The following STX18 variants were observed in gnomAD, a reference collection of about 807,000 sequenced individuals.
STX18 encodes the protein syntaxin-18.
In STX18, 40 loss-of-function variants were observed where a neutral mutation model predicts 50.1. The ratio of observed to expected loss-of-function variants is 0.80; its 90% CI spans 0.62 to 1.04. The LOEUF is 1.04. Among genes scored for constraint, STX18 ranks in the 50% least tolerant of loss-of-function variants. The pLI is 0.00. For missense variants in STX18, 410 were observed against 415.8 expected, an observed-to-expected ratio of 0.99 and a Z score of 0.12; for synonymous variants, 158 against 151.8, an observed-to-expected ratio of 1.04 and a Z score of -0.30.
At chr4:4,531,661 T>C (rs1012235462) in intron 1 of STX18, among the ~76,000 whole-genome samples, 1 of 152,292 alleles carries the variant, frequency 6.6e-6, no homozygotes, top group South Asian at 2.1e-4. Flanking sequence ...ATCCATCCAC[T>C]TGACTTGCTC....
At chr4:4,480,701 G>C (rs934040613) in intron 1 of STX18, among the ~76,000 whole-genome samples, 31 of 152,016 alleles carry the variant, frequency 2.0e-4, no homozygotes, top group African/African-American at 7.0e-4. Context: ...ATCAGTAATA[G>C]GGTACAATAA....
intron 1 of STX18, among the ~76,000 whole-genome samples, chr4:4,493,993 A>G (rs1268551273): frequency 6.6e-6 from 1 of 152,190 alleles, no homozygotes; most frequent in Non-Finnish European, 1.5e-5. Flanking sequence ...CAAGGTAAAT[A>G]TATGTTATTT....
intron 1 of STX18, among the ~76,000 whole-genome samples, chr4:4,484,466 G>A (rs1202423392): frequency 6.6e-6 from 1 of 152,124 alleles, no homozygotes; most frequent in Non-Finnish European, 1.5e-5. Flanking sequence ...TTCATTATAT[G>A]CACATTTTTC....
At chr4:4,469,217 A>G (rs983977384) in intron 2 of STX18, among the ~76,000 whole-genome samples, 1 of 152,260 alleles carries the variant, frequency 6.6e-6, no homozygotes, top group Non-Finnish European at 1.5e-5. Flanking sequence ...CCGTAGGCCA[A>G]GTCTAGCCTG....
At chr4:4,453,647 CCTT>C in intron 5 of STX18, 2 of 981,384 alleles carry the variant, frequency 2.0e-6, no homozygotes, top group Non-Finnish European at 2.4e-6. Flanking sequence ...GTACGCCTGT[CCTT>C]CTTTTATGCC....
At chr4:4,469,286 A>G (rs2108832625) in intron 2 of STX18, among the ~76,000 whole-genome samples, 1 of 151,426 alleles carries the variant, frequency 6.6e-6, no homozygotes, top group East Asian at 1.9e-4. Context: ...TAAAGGTTGT[A>G]AAAAAAACAA....
At chr4:4,436,545 A>G (rs1363402897) in intron 6 of STX18, among the ~76,000 whole-genome samples, 1 of 152,228 alleles carries the variant, frequency 6.6e-6, no homozygotes, top group Non-Finnish European at 1.5e-5. Flanking sequence ...TGAACCAAGC[A>G]TAAATTAACT....
chr4:4,517,489 A>G (rs984272868), intron 1 of STX18, among the ~76,000 whole-genome samples: 1 of 152,366 alleles, frequency 6.6e-6, no homozygotes, highest in East Asian at 1.9e-4. Context: ...CATTCTTCAT[A>G]AAGTCACACA....
chr4:4,428,726 ACTAG>A (rs1725379010), intron 7 of STX18, among the ~76,000 whole-genome samples: 1 of 152,118 alleles, frequency 6.6e-6, no homozygotes, highest in Non-Finnish European at 1.5e-5. Flanking sequence ...GCTGAGCCTC[ACTAG>A]CTAGTATCTG....
At chr4:4,425,142 C>T (rs750006325) in intron 8 of STX18, 22 bp downstream of exon 8, 41 of 1,609,914 alleles carry the variant, frequency 2.5e-5, no homozygotes, top group Non-Finnish European at 3.4e-5. Context: ...GCTATCAGCT[C>T]ACAGAGGAGC....
chr4:4,445,222 C>T (rs757007006), intron 5 of STX18, among the ~76,000 whole-genome samples: 8 of 152,030 alleles, frequency 5.3e-5, no homozygotes, highest in African/African-American at 1.2e-4. Flanking sequence ...GCCTGGCCAA[C>T]GAGGTGAAAC....
At chr4:4,491,069 G>C (rs1728918244) in intron 1 of STX18, among the ~76,000 whole-genome samples, 2 of 151,486 alleles carry the variant, frequency 1.3e-5, no homozygotes, top group African/African-American at 4.9e-5. Flanking sequence ...CAAACATTCG[G>C]CTTATAGCAC....
At chr4:4,536,754 C>T (rs1277124526) in intron 1 of STX18, among the ~76,000 whole-genome samples, 1 of 152,090 alleles carries the variant, frequency 6.6e-6, no homozygotes, top group Non-Finnish European at 1.5e-5. Context: ...ATAATCAATT[C>T]CTAAAAATAA....
At chr4:4,473,987 C>T (rs1208352478) in intron 1 of STX18, among the ~76,000 whole-genome samples, 3 of 152,134 alleles carry the variant, frequency 2.0e-5, no homozygotes, top group Non-Finnish European at 4.4e-5. Context: ...CACAACTCAG[C>T]GCTGAAAGTC....
intron 5 of STX18, among the ~76,000 whole-genome samples, chr4:4,453,235 T>C (rs1726859809): frequency 2.0e-5 from 3 of 152,192 alleles, no homozygotes; most frequent in Non-Finnish European, 1.5e-5. Flanking sequence ...TAAAATGCTA[T>C]CAAACAGCAC....
chr4:4,450,480 T>C (rs1421984431), intron 5 of STX18, among the ~76,000 whole-genome samples: 1 of 152,150 alleles, frequency 6.6e-6, no homozygotes, highest in Non-Finnish European at 1.5e-5. Flanking sequence ...CTAATTTTTG[T>C]TTTAGTAGAG....
At chr4:4,518,120 C>T (rs1046705092) in intron 1 of STX18, among the ~76,000 whole-genome samples, 20 of 152,128 alleles carry the variant, frequency 1.3e-4, no homozygotes, top group African/African-American at 4.8e-4. Context: ...CTCGCATGTG[C>T]TAAGGAAGTG....
Position 4,420,115 on chromosome 4 carries a change from G to C in STX18, c.927C>G (p.Asn309Lys). 1.9e-6 allele frequency: 3 copies of C among 1,612,086 alleles called. No individual in the cohort carries two copies. Among genetic ancestry groups the C allele is most frequent in the Non-Finnish European group, 2.5e-6 (3 of 1,179,166 alleles). Residue 309 changes from asparagine to lysine, a missense_variant, in exon 11 of 11, where the codon AAC becomes AAG. By Grantham distance (94) the Asn-to-Lys change is moderately conservative. Coordinates refer to ENST00000306200, the MANE Select transcript of STX18 (RefSeq NM_016930.4). The surrounding 1 kb of genome is among the most constrained non-coding windows in gnomAD (Gnocchi z 4.3). ...NEDIREAIKN[N>K]AGFRVWILFF... ...AGAGGATCCACACGCGGAAGCCAGC[G>C]TTGTTTTTAATGGCCTGGGCAGGGA... is the stretch of plus-strand genomic sequence containing the variant.
At chr4:4,425,257 T>C (rs192292968) in intron 7 of STX18, 35 bp from the exon 8 acceptor site, 3 of 1,590,044 alleles carry the variant, frequency 1.9e-6, no homozygotes, top group African/African-American at 1.3e-5. Context: ...GATGACATCA[T>C]ACTGAACTTA....
Sources: gnomAD v4.1 joint callset for allele counts (sites outside exome capture counted in the v4.1 genomes callset) on GRCh38, gnomAD v4.1.1 for gene constraint, Gnocchi (gnomAD v3.1) non-coding constraint, MANE v1.5 for transcripts, NCBI Gene and HGNC (gene_info 2026-07-23, HGNC 2026-07-21) for gene names.